AGTPBP1: variants seen among roughly 807,000 people sequenced by gnomAD.
AGTPBP1 encodes the protein cytosolic carboxypeptidase 1.
Under a neutral mutation model 143.9 loss-of-function variants are expected in AGTPBP1, and 70 were observed. That is an observed-to-expected ratio of 0.49 (90% CI 0.40 to 0.59). The LOEUF is 0.59. Ranked by LOEUF, AGTPBP1 falls within the 20% of genes least tolerant of loss-of-function variation. The pLI is 0.00. For synonymous variants in AGTPBP1, 463 were observed against 500.2 expected (o/e 0.93, Z 0.99); for missense variants, 1,229 against 1,464.5 (o/e 0.84, Z 2.62).
intron 10 of AGTPBP1, among the ~76,000 whole-genome samples, chr9:85,655,607 T>C (rs978221636): frequency 1.9e-4 from 28 of 150,942 alleles, no homozygotes; most frequent in African/African-American, 6.8e-4. Flanking sequence ...TTGGCAAGCC[T>C]AGGGCATAAA....
chr9:85,636,230 A>G (rs1832032330), intron 13 of AGTPBP1, among the ~76,000 whole-genome samples: 1 of 151,694 alleles, frequency 6.6e-6, no homozygotes. Flanking sequence ...AAAACAAGAA[A>G]GACTGATTAA....
the AGTPBP1 span, among the ~76,000 whole-genome samples, chr9:85,771,430 C>T: frequency 6.6e-6 from 1 of 152,134 alleles, no homozygotes; most frequent in Non-Finnish European, 1.5e-5. Flanking sequence ...GAGCTATGAT[C>T]ACTACTGCAC....
chr9:85,676,477 A>G (rs999787470), intron 6 of AGTPBP1, among the ~76,000 whole-genome samples: 2 of 151,762 alleles, frequency 1.3e-5, no homozygotes, highest in Non-Finnish European at 2.9e-5. Context: ...CGTTAGGGAA[A>G]TGCAAATCAA....
chr9:85,553,195 T>A (rs1202725192), intron 25 of AGTPBP1, among the ~76,000 whole-genome samples: 1 of 152,148 alleles, frequency 6.6e-6, no homozygotes, highest in Non-Finnish European at 1.5e-5. Flanking sequence ...ATAACTAGCA[T>A]ACAGAATATC....
intron 11 of AGTPBP1, among the ~76,000 whole-genome samples, chr9:85,654,756 T>C (rs1415844463): frequency 6.6e-6 from 1 of 151,852 alleles, no homozygotes; most frequent in African/African-American, 2.4e-5. Flanking sequence ...GGCAGGAGAA[T>C]TGCTTGAACA....
At chr9:85,773,157 C>G in the AGTPBP1 span, among the ~76,000 whole-genome samples, 1 of 145,972 alleles carries the variant, frequency 6.9e-6, no homozygotes, top group Non-Finnish European at 1.5e-5. Flanking sequence ...CCCAGCTACT[C>G]GGGAGGCTGA....
chr9:85,583,498 T>C (rs1461770865), intron 23 of AGTPBP1, among the ~76,000 whole-genome samples: 1 of 152,142 alleles, frequency 6.6e-6, no homozygotes, highest in Admixed American at 6.6e-5. Context: ...GTGTAACACC[T>C]GTTAACATCT....
chr9:85,732,602 AAG>A (rs1293868609), intron 1 of AGTPBP1, among the ~76,000 whole-genome samples: 1 of 152,228 alleles, frequency 6.6e-6, no homozygotes, highest in Non-Finnish European at 1.5e-5. Context: ...ATAAAAAACA[AAG>A]AACAGAAATA....
chr9:85,729,172 A>G (rs1029148261), intron 1 of AGTPBP1, among the ~76,000 whole-genome samples: 1 of 152,206 alleles, frequency 6.6e-6, no homozygotes, highest in Non-Finnish European at 1.5e-5. Flanking sequence ...TCTTCAACAA[A>G]TGGTGCTGGA....
chr9:85,697,694 C>A (rs986206260), intron 2 of AGTPBP1, among the ~76,000 whole-genome samples: 3 of 151,874 alleles, frequency 2.0e-5, no homozygotes, highest in Non-Finnish European at 1.5e-5. Context: ...CCTCGTGATC[C>A]GCCCGCCTCA....
chr9:85,635,833 A>G (rs1010145017), intron 13 of AGTPBP1, among the ~76,000 whole-genome samples: 1 of 151,890 alleles, frequency 6.6e-6, no homozygotes, highest in Non-Finnish European at 1.5e-5. Context: ...CACAAAAGAA[A>G]AAAAAAAAAC....
At chr9:85,642,337 C>CT (rs892366535) in intron 13 of AGTPBP1, among the ~76,000 whole-genome samples, 44 of 148,718 alleles carry the variant, frequency 3.0e-4, no homozygotes, top group African/African-American at 5.6e-4. Context: ...CATCTCCCCT[C>CT]TTTTTTTTTT....
intron 25 of AGTPBP1, among the ~76,000 whole-genome samples, chr9:85,555,832 T>A (rs1201694860): frequency 1.3e-5 from 2 of 152,092 alleles, no homozygotes; most frequent in African/African-American, 4.8e-5. Flanking sequence ...AAAAGAAAAT[T>A]AATCTTAAAC....
At chr9:85,746,480 T>A (rs1270279616), upstream of AGTPBP1, among the ~76,000 whole-genome samples, 1 of 152,058 alleles carries the variant, frequency 6.6e-6, no homozygotes, top group South Asian at 2.1e-4. Context: ...AAAATTAAAA[T>A]TACCTGAGCG....
chr9:85,550,192 T>TGAGAGA lies in AGTPBP1; in HGVS notation c.3504-2907_3504-2906insTCTCTC, dbSNP rs72089458. Among the ~76,000 whole-genome samples, 340 of 145,342 alleles carry TGAGAGA rather than the reference T, an allele frequency of 2.3e-3. 1 individual carries two copies. The highest frequency in any genetic ancestry group is 0.011 in the East Asian group (57 of 5,086). On this transcript the variant is annotated intron_variant, in intron 25 of 25. Transcript: ENST00000357081. ...ACAAGAGTTTGTGAGTGTGTGTGTG[T>TGAGAGA]GTGAGAGAGAGAGAGAGAGAGAGAG...
intron 14 of AGTPBP1, among the ~76,000 whole-genome samples, chr9:85,632,167 G>T (rs10868334): frequency 0.023 from 3,465 of 152,004 alleles, 122 homozygotes; most frequent in African/African-American, 0.073. Context: ...TCACTTCAGG[G>T]TAAAAGGGGT....
intron 17 of AGTPBP1, among the ~76,000 whole-genome samples, chr9:85,617,106 T>C (rs1021309391): frequency 6.6e-6 from 1 of 152,108 alleles, no homozygotes; most frequent in African/African-American, 2.4e-5. Flanking sequence ...GTATACAATA[T>C]CTTATCTTCC....
rs1833419368 is a variant in AGTPBP1, at chr9:85,655,192, A to G, written c.1038T>C (p.Val346=). 1.9e-6 allele frequency: 3 copies of G among 1,613,660 alleles called. No individual in the cohort carries two copies. The highest frequency in any genetic ancestry group is 2.5e-6 in the Non-Finnish European group (3 of 1,179,700). ...IKSSFHFQLP[V]IPVTGPVAQL... ...GAGCCACAGGACCAGTCACAGGAATAACAGGCAACTGGAAATGAAAAGAAC... is the reference window on the plus strand; with the variant it reads ...GAGCCACAGGACCAGTCACAGGAATGACAGGCAACTGGAAATGAAAAGAAC... Residue 346 remains valine (V), a synonymous_variant, in exon 11 of 26, where the codon GTT becomes GTC. Coordinates refer to ENST00000357081, the MANE Select transcript of AGTPBP1 (RefSeq NM_001330701.2).
At chr9:85,634,633 T>C (rs767242796) in intron 13 of AGTPBP1, among the ~76,000 whole-genome samples, 4 of 152,152 alleles carry the variant, frequency 2.6e-5, no homozygotes, top group African/African-American at 4.8e-5. Context: ...GTGGCAAACA[T>C]TTTGGGCCAG....
Sources: gnomAD v4.1 joint callset for allele counts (sites outside exome capture counted in the v4.1 genomes callset) on GRCh38, gnomAD v4.1.1 for gene constraint, MANE v1.5 for transcripts, NCBI Gene and HGNC (gene_info 2026-07-23, HGNC 2026-07-21) for gene names.